Variants in ODF2L observed in about 807,000 individuals in gnomAD.
The protein encoded by ODF2L is outer dense fiber of sperm tails 2 like.
A neutral mutation model predicts 86.3 loss-of-function variants in ODF2L; 76 were observed. The ratio of observed to expected loss-of-function variants is 0.88; its 90% CI spans 0.73 to 1.07. ODF2L has a LOEUF of 1.07. ODF2L is among the 50% of genes least tolerant of loss of function. ODF2L has a pLI of 0.00. For synonymous variants in ODF2L, 241 were observed against 231.3 expected, an observed-to-expected ratio of 1.04 and a Z score of -0.38; for missense variants, 748 against 717.4, an observed-to-expected ratio of 1.04 and a Z score of -0.49.
At chr1:86,362,041 GTC>G (rs928898099) in intron 11 of ODF2L, among the ~76,000 whole-genome samples, 2 of 152,164 alleles carry the variant, frequency 1.3e-5, no homozygotes, top group Non-Finnish European at 2.9e-5. Context: ...TAGGAAGTGT[GTC>G]TGTTTAAGGG....
chr1:86,385,670 T>A, intron 2 of ODF2L, 80 bp from the exon 3 acceptor site: 1 of 1,046,360 alleles, frequency 9.6e-7, no homozygotes, highest in Non-Finnish European at 1.4e-6. Flanking sequence ...ATATCACCTA[T>A]ACAGTACTCT....
intron 3 of ODF2L, 123 bp downstream of exon 3, chr1:86,385,334 AC>A (rs376378498): frequency 4.0e-5 from 23 of 571,052 alleles, no homozygotes; most frequent in African/African-American, 2.6e-4. Flanking sequence ...ATTCTGATAA[AC>A]CCTCATTTTT....
chr1:86,387,079 G>C, exon 2 of ODF2L: 1 of 792,336 alleles, frequency 1.3e-6, no homozygotes, highest in Non-Finnish European at 2.0e-6. Flanking sequence ...CTCCACATAA[G>C]CTGAAAGCTA....
At chr1:86,386,340 T>A (rs1660952587) in intron 2 of ODF2L, 1 of 151,922 alleles carries the variant, frequency 6.6e-6, no homozygotes. Context: ...AATAGCTTTA[T>A]TTTACAAATT....
intron 1 of ODF2L, among the ~76,000 whole-genome samples, chr1:86,389,318 ATAACT>A: frequency 6.6e-6 from 1 of 152,172 alleles, no homozygotes; most frequent in East Asian, 1.9e-4. Flanking sequence ...CATTTTAAAG[ATAACT>A]TAAAAATTCT....
chr1:86,370,888 CCTGACAAGCATAGAAGACAGAATTATACA>C, intron 10 of ODF2L, 101 bp downstream of exon 10: 1 of 503,078 alleles, frequency 2.0e-6, no homozygotes, highest in Admixed American at 3.4e-5. Flanking sequence ...AACATAATAT[CCTGACAAGCATAGAAGACAGAATTATACA>C]AGAGCACTGC....
At chr1:86,364,342 T>C (rs1156336960) in intron 11 of ODF2L, among the ~76,000 whole-genome samples, 1 of 151,858 alleles carries the variant, frequency 6.6e-6, no homozygotes. Context: ...AAGATAGGAG[T>C]TTACAAGGAG....
intron 1 of ODF2L, among the ~76,000 whole-genome samples, chr1:86,389,167 T>C (rs1374401403): frequency 2.6e-5 from 4 of 152,206 alleles, no homozygotes. Flanking sequence ...TGTATTCTTG[T>C]ATAGAAAAGC....
intron 11 of ODF2L, among the ~76,000 whole-genome samples, chr1:86,363,477 G>A (rs1659186042): frequency 6.6e-6 from 1 of 152,112 alleles, no homozygotes; most frequent in Non-Finnish European, 1.5e-5. Flanking sequence ...ATTGGAAAAT[G>A]TATAGGGACT....
chr1:86,372,601 C>A, intron 8 of ODF2L, 61 bp from the exon 9 acceptor site: 1 of 844,024 alleles, frequency 1.2e-6, no homozygotes, highest in Non-Finnish European at 1.8e-6. Flanking sequence ...TTGTTCAGAT[C>A]TCTAAACACA....
At chr1:86,369,334 G>A (rs1291718871) in intron 10 of ODF2L, among the ~76,000 whole-genome samples, 2 of 152,072 alleles carry the variant, frequency 1.3e-5, no homozygotes, top group African/African-American at 4.8e-5. Context: ...ACAAAAAGTA[G>A]CCGAAATAAG....
intron 13 of ODF2L, chr1:86,357,675 T>C: frequency 1.2e-6 from 1 of 838,098 alleles, no homozygotes; most frequent in Non-Finnish European, 1.4e-6. Flanking sequence ...GATCCCTCAG[T>C]GTCCTTAAAA....
intron 13 of ODF2L, chr1:86,358,374 ATTAT>A (rs1558011604): frequency 1.3e-5 from 2 of 151,950 alleles, no homozygotes; most frequent in African/African-American, 4.8e-5. Flanking sequence ...TTTAAAAGAT[ATTAT>A]TTTTCTTCAA....
intron 7 of ODF2L, among the ~76,000 whole-genome samples, chr1:86,378,023 G>C (rs976180710): frequency 6.6e-6 from 1 of 152,118 alleles, no homozygotes; most frequent in Non-Finnish European, 1.5e-5. Flanking sequence ...CCTTTTAAAT[G>C]TATGTTCCAA....
chr1:86,382,614 G>A, intron 6 of ODF2L, among the ~76,000 whole-genome samples: 1 of 151,512 alleles, frequency 6.6e-6, no homozygotes, highest in Non-Finnish European at 1.5e-5. Context: ...TAAAGGTATG[G>A]GTATACCTAA....
exon 7 of ODF2L, chr1:86,382,248 A>G: frequency 6.2e-7 from 1 of 1,608,786 alleles, no homozygotes; most frequent in South Asian, 1.1e-5. Context: ...TAACCTTTAC[A>G]TATTCTTTCA....
At chr1:86,385,706 A>G in intron 2 of ODF2L, 116 bp from the exon 3 acceptor site, 1 of 665,866 alleles carries the variant, frequency 1.5e-6, no homozygotes, top group South Asian at 2.5e-5. Context: ...CTTTTAGTTC[A>G]AAAGTAGCTC....
chr1:86,362,957 G>A (rs1659151150), intron 11 of ODF2L, among the ~76,000 whole-genome samples: 1 of 152,118 alleles, frequency 6.6e-6, no homozygotes, highest in South Asian at 2.1e-4. Flanking sequence ...ACACCCAGCT[G>A]ACTACATTTT....
chr1:86,376,558 T>C (rs2101111119), intron 7 of ODF2L, 140 bp from the exon 8 acceptor site: 1 of 489,818 alleles, frequency 2.0e-6, no homozygotes, highest in South Asian at 5.2e-5. Flanking sequence ...CTAGACTGAG[T>C]AATTTATAAA....
Sources: gnomAD v4.1 joint callset for allele counts (sites outside exome capture counted in the v4.1 genomes callset) on GRCh38, gnomAD v4.1.1 for gene constraint, MANE v1.5 for transcripts, NCBI Gene and HGNC (gene_info 2026-07-23, HGNC 2026-07-21) for gene names.